Variants in CR2 observed in about 807,000 individuals in gnomAD.
The protein encoded by CR2 is complement receptor type 2.
A neutral mutation model predicts 123.0 loss-of-function variants in CR2; 96 were observed. The observed-to-expected ratio is 0.78, with a 90% CI of 0.66 to 0.93. The LOEUF (loss-of-function observed/expected upper bound fraction) is 0.93. Ranked by LOEUF, CR2 falls within the 40% of genes least tolerant of loss-of-function variation. The pLI, the probability that CR2 is intolerant of heterozygous loss-of-function variation, is 0.00. For synonymous variants in CR2, 484 were observed against 469.5 expected, an observed-to-expected ratio of 1.03 and a Z score of -0.40; for missense variants, 1,258 against 1,361.0, an observed-to-expected ratio of 0.92 and a Z score of 1.19.
chr1:207,474,638 T>C (rs1658383865), intron 13 of CR2, among the ~76,000 whole-genome samples, 186 bp from the exon 14 acceptor site: 1 of 152,252 alleles, frequency 6.6e-6, no homozygotes, highest in South Asian at 2.1e-4. Flanking sequence ...TTATGGAGTA[T>C]ATAGTACTCC....
rs752794353 is a variant in CR2, at chr1:207,469,926, A to G, written c.1049A>G (p.Gln350Arg). 2 of 1,614,018 alleles carry G rather than the reference A, an allele frequency of 1.2e-6. No individual in the cohort carries two copies. Among genetic ancestry groups the G allele is most frequent in the Admixed American group, 1.7e-5 (1 of 59,976 alleles). The change falls in exon 6 of 20, where the codon CAG (glutamine) becomes CGG (arginine). Residue 350 changes from glutamine (Q) to arginine (R), a missense_variant. Coordinates refer to ENST00000367057, the MANE Select transcript of CR2 (RefSeq NM_001006658.3). ...PRCELSTSAV[Q>R]CPHPQILRGR... The stretch of plus-strand genomic sequence containing the variant: ...TGTGAACTTTCTACTTCTGCGGTTC[A>G]GTGTCCACATCCCCAGATCCTAAGA...
intron 19 of CR2, among the ~76,000 whole-genome samples, chr1:207,486,293 G>A (rs1658749241): frequency 7.0e-6 from 1 of 143,682 alleles, no homozygotes. Context: ...GAGGATTCCA[G>A]AAAGAACAGT....
At chr1:207,485,665 T>G in intron 19 of CR2, 93 bp downstream of exon 19, 1 of 741,062 alleles carries the variant, frequency 1.3e-6, no homozygotes, top group South Asian at 1.5e-5. Context: ...TGTATATACA[T>G]GCTTCTTACT....
intron 1 of CR2, among the ~76,000 whole-genome samples, chr1:207,455,377 T>C (rs1176132061): frequency 1.3e-5 from 2 of 152,236 alleles, no homozygotes; most frequent in Admixed American, 6.5e-5. Context: ...TTAACTGGCC[T>C]TCCACCTCAC....
At position 207,474,911 on chromosome 1, in the gene CR2, C is replaced by G. The variant is rs1177912722; in HGVS notation, c.2411C>G (p.Ser804Cys). Reference sequence around the variant, plus strand: ...AACTTTCTATATGGAAATGAAGTCTCTTATGAATGTGACCAAGGATTCTAT... The same window carrying G: ...AACTTTCTATATGGAAATGAAGTCTGTTATGAATGTGACCAAGGATTCTAT... ...AENFLYGNEV[S>C]YECDQGFYLL... is the part of the protein sequence containing the mutation. Residue 804 changes from serine to cysteine, a missense_variant, in exon 14 of 20, where the codon TCT (serine) becomes TGT (cysteine). Physicochemically the swap from Ser to Cys is moderately radical, Grantham distance 112 (BLOSUM62 -1). Transcript: ENST00000367057. 6 of 1,613,926 alleles carry G rather than the reference C, an allele frequency of 3.7e-6. No individual in the cohort carries two copies. Among genetic ancestry groups the G allele is most frequent in the East Asian group, 2.2e-5 (1 of 44,886 alleles).
rs1348497274 is a variant in CR2 at position 207,489,858 on chromosome 1, G to T, written c.*735G>T. ...ATTTCACTTAATAATGTGTACATTA[G>T]TCATTCAATAAATTGTAATTGTAAA... On this transcript the variant is annotated 3_prime_UTR_variant, in exon 20 of 20. Transcript: ENST00000367057. 1 of 151,760 alleles carries T rather than the reference G, an allele frequency of 6.6e-6. No individual in the cohort carries two copies. The highest frequency in any genetic ancestry group is 1.5e-5 in the Non-Finnish European group (1 of 67,938). The allele number at this position is 151,760 out of a possible 1,614,324, so 9.4% of individuals were successfully genotyped here.
At chr1:207,488,388 G>T (rs1409272368) in intron 19 of CR2, among the ~76,000 whole-genome samples, 4 of 152,176 alleles carry the variant, frequency 2.6e-5, no homozygotes, top group African/African-American at 9.7e-5. Flanking sequence ...CACTTTGGGA[G>T]GCCAAGGCAG....
intron 9 of CR2, among the ~76,000 whole-genome samples, chr1:207,472,306 A>T (rs1323822974): frequency 6.6e-6 from 1 of 152,150 alleles, no homozygotes; most frequent in African/African-American, 2.4e-5. Context: ...ACTTCAAATT[A>T]TTCAAATTAA....
chr1:207,478,682 A>T (rs991238667), intron 16 of CR2, among the ~76,000 whole-genome samples: 1 of 152,168 alleles, frequency 6.6e-6, no homozygotes, highest in Non-Finnish European at 1.5e-5. Flanking sequence ...AAGCAACCTG[A>T]AATTTTGAAA....
At chr1:207,468,159 C>G in intron 2 of CR2, 1 of 283,354 alleles carries the variant, frequency 3.5e-6, no homozygotes, top group East Asian at 9.5e-5. Context: ...CTTTAAAAGA[C>G]TAGGTTGAAA....
At position 207,470,806 on chromosome 1, in the gene CR2, C is replaced by G. The variant is rs1448028749; in HGVS notation, c.1292C>G (p.Pro431Arg). The part of the protein sequence containing the change: ...KEDRHMVRFD[P>R]GTSIKYSCNP... Reference sequence around the variant, plus strand: ...GATAGACACATGGTCCGCTTTGACCCTGGAACATCTATAAAATATAGCTGT... The same window carrying G: ...GATAGACACATGGTCCGCTTTGACCGTGGAACATCTATAAAATATAGCTGT... Residue 431 changes from proline to arginine, a missense_variant, in exon 7 of 20, where the codon CCT becomes CGT. Coordinates refer to ENST00000367057, the MANE Select transcript of CR2 (RefSeq NM_001006658.3). The G allele has an allele frequency of 1.2e-6, 2 of 1,613,898 alleles. No individual in the cohort carries two copies. The highest frequency in any genetic ancestry group is 2.2e-5 in the East Asian group (1 of 44,878).
Position 207,470,005 on chromosome 1 carries a change from A to G in CR2, c.1128A>G (p.Ile376Met). 1 of 1,613,976 alleles carries G rather than the reference A, an allele frequency of 6.2e-7. No homozygotes were observed. Among genetic ancestry groups the G allele is most frequent in the Non-Finnish European group, 8.5e-7 (1 of 1,179,908 alleles). ...GATATACCTATAACGACACTGTGAT[A>G]TTTGCTTGCATGTTTGGCTTCACCT... ...KDRYTYNDTV[I>M]FACMFGFTLK... is the part of the protein sequence containing the mutation. The change falls in exon 6 of 20, where the codon ATA (isoleucine) becomes ATG (methionine). Residue 376 changes from isoleucine to methionine, a missense_variant. Ile to Met is a conservative substitution (Grantham distance 10). Coordinates refer to ENST00000367057, the MANE Select transcript of CR2 (RefSeq NM_001006658.3).
rs1193490762 is a variant in CR2 at position 207,473,695 on chromosome 1, G to GGAGT, written c.2130_2133dup (p.Pro712GlufsTer8). Reference sequence around the variant, plus strand: ...ATTCACTGTATGCCTTCAGGAAATTGGAGTCCTTCTGCCCCACGGTGTGAA... The same window carrying GGAGT: ...ATTCACTGTATGCCTTCAGGAAATTGGAGTGAGTCCTTCTGCCCCACGGTGTGAA... On this transcript the variant is annotated frameshift_variant, in exon 11 of 20. Transcript: ENST00000367057. LOFTEE classifies it high-confidence loss of function. 1 of 1,613,858 alleles carries GGAGT rather than the reference G, an allele frequency of 6.2e-7. No homozygotes were observed. Among genetic ancestry groups the GGAGT allele is most frequent in the Non-Finnish European group, 8.5e-7 (1 of 1,179,906 alleles).
In CR2 at chr1:207,468,909, A is replaced by G; in HGVS notation, c.734+10A>G. 1 of 1,612,136 alleles carries G rather than the reference A, an allele frequency of 6.2e-7. No individual in the cohort carries two copies. The highest frequency in any genetic ancestry group is 8.5e-7 in the Non-Finnish European group (1 of 1,178,400). On this transcript the variant is annotated intron_variant, in intron 4 of 19. Transcript: ENST00000367057. ...TTTTCTGTGATGAAGGGTGAGTGTC[A>G]GGATTATTTATGAGATTTAATTCAT... is the stretch of plus-strand genomic sequence containing the variant.
At chr1:207,477,737 G>C in intron 15 of CR2, 148 bp from the exon 16 acceptor site, 2 of 697,778 alleles carry the variant, frequency 2.9e-6, no homozygotes, top group East Asian at 5.4e-5. Flanking sequence ...TTGTGTCTAG[G>C]ATATAGTCTT....
chr1:207,473,273 G>A, intron 10 of CR2, 94 bp downstream of exon 10: 1 of 1,424,340 alleles, frequency 7.0e-7, no homozygotes, highest in Non-Finnish European at 9.7e-7. Context: ...AAAGAGGCAA[G>A]AGGGGCACAG....
Position 207,481,849 on chromosome 1 carries a change from A to C in CR2, c.3188+1796A>C, listed in dbSNP as rs1027785682. ...TATCTAGGAAAGTCTATCTTTATAC[A>C]GTCATTAATTCTAATAGCTTTTCAG... On this transcript the variant is annotated intron_variant, in intron 18 of 19. Coordinates refer to ENST00000367057, the MANE Select transcript of CR2 (RefSeq NM_001006658.3). Among the ~76,000 whole-genome samples the C allele has an allele frequency of 5.9e-5, 9 of 152,072 alleles. No individual in the cohort carries two copies. In the East Asian group the frequency reaches 1.2e-3, roughly 19 times the overall value.
At chr1:207,456,995 G>T (rs757326558) in intron 1 of CR2, among the ~76,000 whole-genome samples, 5 of 152,142 alleles carry the variant, frequency 3.3e-5, no homozygotes, top group Non-Finnish European at 7.4e-5. Flanking sequence ...CCTCTGTTGT[G>T]CTTCTCTGAC....
chr1:207,470,670 T>G, intron 6 of CR2, 70 bp from the exon 7 acceptor site: 1 of 1,460,050 alleles, frequency 6.8e-7, no homozygotes, highest in African/African-American at 1.4e-5. Context: ...AATATCAATT[T>G]CTTTGGCTCA....
Sources: gnomAD v4.1 joint callset for allele counts (sites outside exome capture counted in the v4.1 genomes callset) on GRCh38, gnomAD v4.1.1 for gene constraint, MANE v1.5 for transcripts, NCBI Gene and HGNC (gene_info 2026-07-23, HGNC 2026-07-21) for gene names.